SAMMSON: variants seen among roughly 807,000 people sequenced by gnomAD.
SAMMSON encodes the protein survival associated mitochondrial melanoma specific oncogenic non-coding RNA, also known as long intergenic non-protein coding RNA 1212.
At chr3:70,056,549 TTCTCTCTC>T (rs138631519) in intron 3 of SAMMSON, among the ~76,000 whole-genome samples, 1 of 149,730 alleles carries the variant, frequency 6.7e-6, no homozygotes, top group Admixed American at 6.7e-5. Context: ...TACATATTGT[TTCTCTCTC>T]TCTCTCTCTC....
At chr3:70,039,729 A>G (rs543892264) in intron 3 of SAMMSON, among the ~76,000 whole-genome samples, 1 of 151,700 alleles carries the variant, frequency 6.6e-6, no homozygotes, top group Non-Finnish European at 1.5e-5. Context: ...CCATCAGCCA[A>G]GGACAAGTCT....
intron 4 of SAMMSON, among the ~76,000 whole-genome samples, chr3:70,237,080 T>C (rs1420419463): frequency 1.3e-5 from 2 of 152,128 alleles, no homozygotes; most frequent in African/African-American, 2.4e-5. Flanking sequence ...GGTTCCGTAT[T>C]ATCAGTTTGG....
At chr3:70,023,451 ACT>A (rs1409278927) in intron 3 of SAMMSON, among the ~76,000 whole-genome samples, 1 of 149,218 alleles carries the variant, frequency 6.7e-6, no homozygotes, top group Non-Finnish European at 1.5e-5. Context: ...ACAGAGCAAG[ACT>A]CTGTCTCAAA....
intron 4 of SAMMSON, chr3:70,206,516 G>A: frequency 5.0e-6 from 2 of 396,998 alleles, no homozygotes; most frequent in East Asian, 3.6e-5. Flanking sequence ...ATTTTACAGG[G>A]GATGGGGGTT....
chr3:70,180,550 C>G (rs1231446553), intron 4 of SAMMSON, among the ~76,000 whole-genome samples: 1 of 152,048 alleles, frequency 6.6e-6, no homozygotes, highest in Non-Finnish European at 1.5e-5. Flanking sequence ...CTTTTACAAG[C>G]CTGGGTCTCT....
chr3:70,390,697 A>G (rs1209628639), downstream of SAMMSON, among the ~76,000 whole-genome samples: 1 of 152,068 alleles, frequency 6.6e-6, no homozygotes, highest in Non-Finnish European at 1.5e-5. Context: ...CCCCACCTCC[A>G]TCACCTCCAC....
At chr3:70,298,631 C>T (rs1003897937) in intron 7 of SAMMSON, among the ~76,000 whole-genome samples, 9 of 152,092 alleles carry the variant, frequency 5.9e-5, no homozygotes, top group Admixed American at 2.6e-4. Context: ...TGCTGAAGCT[C>T]GTGTTTAGGG....
intron 2 of SAMMSON, among the ~76,000 whole-genome samples, chr3:70,400,442 A>T (rs746968300): frequency 5.9e-5 from 9 of 152,170 alleles, no homozygotes; most frequent in Non-Finnish European, 1.3e-4. Flanking sequence ...TCACCATGTG[A>T]TCTCTGCACA....
At chr3:70,106,484 G>T in intron 4 of SAMMSON, among the ~76,000 whole-genome samples, 1 of 149,658 alleles carries the variant, frequency 6.7e-6, no homozygotes, top group African/African-American at 2.5e-5. Flanking sequence ...GGGACCACAG[G>T]CACATGCCAC....
intron 7 of SAMMSON, among the ~76,000 whole-genome samples, chr3:70,317,710 T>C (rs1264351798): frequency 4.0e-5 from 6 of 151,790 alleles, no homozygotes; most frequent in Non-Finnish European, 1.5e-5. Context: ...AAAAATTCGT[T>C]TAATGTTTAC....
At chr3:70,277,518 C>T (rs17006997) in intron 6 of SAMMSON, among the ~76,000 whole-genome samples, 3 of 152,060 alleles carry the variant, frequency 2.0e-5, no homozygotes, top group Non-Finnish European at 2.9e-5. Flanking sequence ...GATCTCTGAA[C>T]GAACAGACCG....
intron 4 of SAMMSON, among the ~76,000 whole-genome samples, chr3:70,235,321 T>A (rs1172469333): frequency 6.6e-6 from 1 of 152,212 alleles, no homozygotes; most frequent in Admixed American, 6.5e-5. Flanking sequence ...TTGTGCACTA[T>A]TTTTTCCATC....
At chr3:70,286,742 T>C (rs1702168451) in intron 6 of SAMMSON, among the ~76,000 whole-genome samples, 1 of 152,192 alleles carries the variant, frequency 6.6e-6, no homozygotes, top group African/African-American at 2.4e-5. Flanking sequence ...CCTTGAGCAG[T>C]GGTTTGTAGT....
At chr3:70,255,681 ACTG>A (rs1296188091) in intron 6 of SAMMSON, among the ~76,000 whole-genome samples, 1 of 151,984 alleles carries the variant, frequency 6.6e-6, no homozygotes, top group East Asian at 1.9e-4. Context: ...CTGGTCTTGA[ACTG>A]CTGGGCTCAA....
At chr3:70,139,678 C>G (rs2067519726) in intron 4 of SAMMSON, among the ~76,000 whole-genome samples, 1 of 152,170 alleles carries the variant, frequency 6.6e-6, no homozygotes, top group Non-Finnish European at 1.5e-5. Context: ...ATGTGCTGAA[C>G]AGTAGTGGCC....
intron 4 of SAMMSON, among the ~76,000 whole-genome samples, chr3:70,248,298 C>A (rs1701727739): frequency 1.3e-5 from 2 of 152,034 alleles, no homozygotes; most frequent in South Asian, 4.1e-4. Flanking sequence ...GCAGGAATGT[C>A]TTCACTGGAG....
At chr3:70,127,423 A>G (rs2067463684) in intron 4 of SAMMSON, among the ~76,000 whole-genome samples, 1 of 152,174 alleles carries the variant, frequency 6.6e-6, no homozygotes, top group Admixed American at 6.5e-5. Flanking sequence ...ATGGCAGACA[A>G]GAGGCCATAT....
chr3:70,400,143 A>T (rs1180517846), intron 2 of SAMMSON, among the ~76,000 whole-genome samples: 1 of 152,214 alleles, frequency 6.6e-6, no homozygotes, highest in Non-Finnish European at 1.5e-5. Flanking sequence ...CTGTTAAAAT[A>T]CATGTAATCA....
intron 9 of SAMMSON, among the ~76,000 whole-genome samples, chr3:70,374,465 G>C (rs1327917392): frequency 2.0e-5 from 3 of 152,132 alleles, no homozygotes; most frequent in Non-Finnish European, 4.4e-5. Flanking sequence ...TTGCTAGGTG[G>C]GGATAGAAGT....
Sources: allele counts gnomAD v4.1 joint callset (sites outside exome capture counted in the v4.1 genomes callset), GRCh38; gene constraint gnomAD v4.1.1; transcripts MANE v1.5; gene names NCBI Gene and HGNC (gene_info 2026-07-23, HGNC 2026-07-21).